The following NR2C2 variants were observed in gnomAD, a reference collection of about 807,000 sequenced individuals.
The protein encoded by NR2C2 is Nuclear hormone receptor TR4.
NR2C2 carries 6 observed loss-of-function variants against 62.9 expected under a neutral mutation model. The ratio of observed to expected loss-of-function variants is 0.10; its 90% CI spans 0.05 to 0.19. NR2C2 has a LOEUF of 0.19. Among genes scored for constraint, NR2C2 ranks in the 10% least tolerant of loss-of-function variants. NR2C2 has a pLI of 1.00. For synonymous variants in NR2C2, 272 were observed against 273.8 expected (o/e 0.99, Z 0.07); for missense variants, 479 against 762.7 (o/e 0.63, Z 4.38).
chr3:15,024,009 A>G (rs1422468991), intron 6 of NR2C2, 106 bp from the exon 7 acceptor site: 6 of 790,606 alleles, frequency 7.6e-6, no homozygotes, highest in South Asian at 3.2e-5. Context: ...GAGCTTTTCT[A>G]CTATTCAGAC....
At chr3:15,028,389 T>C (rs915580583) in intron 7 of NR2C2, among the ~76,000 whole-genome samples, 197 bp from the exon 8 acceptor site, 2 of 152,202 alleles carry the variant, frequency 1.3e-5, no homozygotes, top group Non-Finnish European at 2.9e-5. Context: ...TTGTCACATA[T>C]CTAGATTTGT....
chr3:14,994,568 G>A (rs1012010652), intron 1 of NR2C2, among the ~76,000 whole-genome samples: 6 of 144,966 alleles, frequency 4.1e-5, no homozygotes, highest in South Asian at 2.2e-4. Flanking sequence ...TCAGACTCCC[G>A]AGTAGCTGGG....
chr3:14,992,300 G>A (rs2040694639), intron 1 of NR2C2, among the ~76,000 whole-genome samples: 1 of 151,922 alleles, frequency 6.6e-6, no homozygotes. Context: ...ACCCCCCTGT[G>A]TCGGTGGAAG....
At chr3:14,994,154 ATT>A (rs113668567) in intron 1 of NR2C2, among the ~76,000 whole-genome samples, 2,939 of 152,194 alleles carry the variant, frequency 0.019, 92 homozygotes, top group African/African-American at 0.067. Flanking sequence ...GTGTTTTTAA[ATT>A]TTTGTTTTTT....
intron 1 of NR2C2, among the ~76,000 whole-genome samples, chr3:14,951,305 A>T (rs2039349036): frequency 6.6e-6 from 1 of 152,216 alleles, no homozygotes; most frequent in Non-Finnish European, 1.5e-5. Context: ...CATTTAATGA[A>T]ATTATTGAAA....
intron 9 of NR2C2, 81 bp from the exon 10 acceptor site, chr3:15,032,298 A>G (rs1406559084): frequency 6.3e-7 from 1 of 1,589,996 alleles, no homozygotes; most frequent in Non-Finnish European, 8.6e-7. Context: ...CTATTGAAGC[A>G]TGACAGGGAT....
intron 1 of NR2C2, among the ~76,000 whole-genome samples, chr3:14,997,426 A>G (rs539888445): frequency 1.3e-5 from 2 of 152,358 alleles, no homozygotes; most frequent in South Asian, 2.1e-4. Flanking sequence ...AATAGACTCA[A>G]CCAAAATTTT....
In NR2C2 at chr3:15,042,864, A is replaced by T. The variant is rs758383793; in HGVS notation, c.1647A>T (p.Ala549=). Residue 549 remains alanine, a synonymous_variant, in exon 14 of 14, where the codon GCA becomes GCT. Coordinates refer to ENST00000425241, the MANE Select transcript of NR2C2 (RefSeq NM_001291694.2). The part of the protein sequence containing the change: ...RLARILVRLP[A]LRLMSSNITE... Reference sequence around the variant, plus strand: ...CCCGGATCCTCGTTCGCCTGCCGGCACTCAGGCTGATGAGCTCCAACATAA... The same window carrying T: ...CCCGGATCCTCGTTCGCCTGCCGGCTCTCAGGCTGATGAGCTCCAACATAA... The T allele has an allele frequency of 6.2e-6, 10 of 1,614,132 alleles. No homozygotes were observed. In the East Asian group the frequency reaches 2.2e-4, roughly 36 times the overall value.
intron 2 of NR2C2, among the ~76,000 whole-genome samples, chr3:15,010,291 T>G (rs1010812846): frequency 6.6e-6 from 1 of 152,106 alleles, no homozygotes; most frequent in African/African-American, 2.4e-5. Context: ...CCTGCATTTT[T>G]AGTTTTTTCA....
In NR2C2 at chr3:15,044,386, C is replaced by T. The variant is rs2042378629; in HGVS notation, c.*1378C>T. ...GGCTGCTTGCTCCTTAAAAACAACC[C>T]TCAATTTCCAGGGTGATAGTCTTTC... On this transcript the variant is annotated 3_prime_UTR_variant, in exon 14 of 14. Coordinates refer to ENST00000425241, the MANE Select transcript of NR2C2 (RefSeq NM_001291694.2). 1 of 152,168 alleles carries T rather than the reference C, an allele frequency of 6.6e-6. No homozygotes were observed. The highest frequency in any genetic ancestry group is 2.4e-5 in the African/African-American group (1 of 41,450). The allele number at this position is 152,168 out of a possible 1,614,324, so 9.4% of individuals were successfully genotyped here. A position where few individuals can be genotyped will look rare whatever the true frequency, so the allele number is the denominator to read the frequency against.
At chr3:14,961,752 C>T (rs1397900262) in intron 1 of NR2C2, among the ~76,000 whole-genome samples, 1 of 152,150 alleles carries the variant, frequency 6.6e-6, no homozygotes, top group South Asian at 2.1e-4. Flanking sequence ...ATAATGACAT[C>T]AAATCTATTT....
chr3:15,002,426 A>C (rs1227465394), intron 1 of NR2C2, among the ~76,000 whole-genome samples: 1 of 152,200 alleles, frequency 6.6e-6, no homozygotes, highest in East Asian at 1.9e-4. Flanking sequence ...GATGAACCCC[A>C]GTTATTCGTG....
intron 1 of NR2C2, among the ~76,000 whole-genome samples, chr3:14,983,413 T>C (rs960931926): frequency 2.6e-5 from 4 of 151,856 alleles, no homozygotes; most frequent in African/African-American, 9.7e-5. Flanking sequence ...CCATCTTGTA[T>C]TCTGCAGTTA....
At chr3:14,955,398 C>T (rs1180955573) in intron 1 of NR2C2, among the ~76,000 whole-genome samples, 1 of 151,948 alleles carries the variant, frequency 6.6e-6, no homozygotes, top group Non-Finnish European at 1.5e-5. Context: ...TTGATGTAAG[C>T]AATTTTTGTT....
chr3:14,975,682 G>A (rs559167060), intron 1 of NR2C2, among the ~76,000 whole-genome samples: 4 of 152,148 alleles, frequency 2.6e-5, no homozygotes, highest in South Asian at 2.1e-4. Context: ...GTTTTCTTTT[G>A]GTGTCTTTGG....
intron 1 of NR2C2, among the ~76,000 whole-genome samples, chr3:14,957,687 A>G (rs1158098933): frequency 6.6e-6 from 1 of 152,172 alleles, no homozygotes; most frequent in Non-Finnish European, 1.5e-5. Context: ...CTATCGAGGA[A>G]AAACACACTA....
intron 1 of NR2C2, among the ~76,000 whole-genome samples, chr3:14,963,888 C>CT (rs2125256847): frequency 6.6e-6 from 1 of 152,202 alleles, no homozygotes; most frequent in African/African-American, 2.4e-5. Context: ...CAACCATTAA[C>CT]TGAAATGCAA....
chr3:14,952,314 T>C (rs1385595792), intron 1 of NR2C2, among the ~76,000 whole-genome samples: 1 of 152,022 alleles, frequency 6.6e-6, no homozygotes, highest in African/African-American at 2.4e-5. Flanking sequence ...GCCGTGGCAC[T>C]GAGCCACTGG....
intron 1 of NR2C2, among the ~76,000 whole-genome samples, chr3:14,981,455 T>A (rs1476304185): frequency 1.3e-5 from 2 of 151,554 alleles, no homozygotes; most frequent in Non-Finnish European, 2.9e-5. Context: ...TACAAAAAAT[T>A]AGCCAGGTGT....
Sources: gnomAD v4.1 joint callset for allele counts (sites outside exome capture counted in the v4.1 genomes callset) on GRCh38, gnomAD v4.1.1 for gene constraint, MANE v1.5 for transcripts, NCBI Gene and HGNC (gene_info 2026-07-23, HGNC 2026-07-21) for gene names.